Variants in CSNK1G1 observed in about 807,000 individuals in gnomAD.
CSNK1G1 encodes the protein casein kinase I isoform gamma-1.
In CSNK1G1, 22 loss-of-function variants were observed where a neutral mutation model predicts 59.6. That is an observed-to-expected ratio of 0.37 (90% CI 0.26 to 0.53). CSNK1G1 has a LOEUF of 0.53. Among genes scored for constraint, CSNK1G1 ranks in the 20% least tolerant of loss-of-function variants. The pLI is 0.89. For missense variants in CSNK1G1, 384 were observed against 519.5 expected (o/e 0.74, Z 2.54); for synonymous variants, 179 against 177.1 (o/e 1.01, Z -0.08).
At chr15:64,206,356 C>G (rs934445654) in intron 7 of CSNK1G1, among the ~76,000 whole-genome samples, 2 of 152,128 alleles carry the variant, frequency 1.3e-5, no homozygotes, top group Middle Eastern at 3.2e-3. Flanking sequence ...AGGAGAATTG[C>G]TTGAACCCAG....
chr15:64,208,220 G>A (rs2082207360), intron 6 of CSNK1G1, among the ~76,000 whole-genome samples: 1 of 152,140 alleles, frequency 6.6e-6, no homozygotes. Flanking sequence ...AAAATTAGAT[G>A]GGTAAGGCTA....
chr15:64,317,955 G>T (rs79642594), intron 1 of CSNK1G1, among the ~76,000 whole-genome samples: 1 of 152,244 alleles, frequency 6.6e-6, no homozygotes, highest in African/African-American at 2.4e-5. Context: ...AGATGGAAAG[G>T]AAGCTAGGGG....
chr15:64,241,088 T>G (rs937815816), intron 4 of CSNK1G1, among the ~76,000 whole-genome samples: 4 of 152,066 alleles, frequency 2.6e-5, no homozygotes, highest in African/African-American at 7.2e-5. Context: ...GATGAACTGA[T>G]AAAAAACGAT....
At chr15:64,312,184 T>C (rs1330211522) in intron 1 of CSNK1G1, among the ~76,000 whole-genome samples, 2 of 152,164 alleles carry the variant, frequency 1.3e-5, no homozygotes, top group African/African-American at 4.8e-5. Flanking sequence ...CTGCCCAAAG[T>C]AATTTATGGA....
At chr15:64,192,301 C>A (rs1200897396) in intron 10 of CSNK1G1, among the ~76,000 whole-genome samples, 2 of 152,218 alleles carry the variant, frequency 1.3e-5, no homozygotes, top group Admixed American at 6.5e-5. Flanking sequence ...TCCCCCAAAG[C>A]AGGAGCAGGA....
intron 2 of CSNK1G1, chr15:64,265,777 T>G: frequency 2.2e-6 from 1 of 455,050 alleles, no homozygotes. Context: ...AAAAATGAAA[T>G]ATATCCATTG....
At chr15:64,278,968 T>C (rs918892579) in intron 2 of CSNK1G1, among the ~76,000 whole-genome samples, 1 of 152,220 alleles carries the variant, frequency 6.6e-6, no homozygotes, top group Non-Finnish European at 1.5e-5. Context: ...GGCACATAAT[T>C]TTCAGCTTTG....
Position 64,327,323 on chromosome 15 carries a change from A to C in CSNK1G1, c.-224-26600T>G, listed in dbSNP as rs545597960. ...TGGTTCTCCCAGCACGCAGCTGGAG[A>C]TCTGAGAACGGGCAGACTGCCTCCT... On this transcript the variant is annotated intron_variant, in intron 1 of 11. Transcript: ENST00000303052. Among the ~76,000 whole-genome samples the C allele has an allele frequency of 3.6e-4, 54 of 150,162 alleles. No homozygotes were observed. The East Asian group carries it at 0.011, about 30-fold the overall frequency.
chr15:64,176,646 C>T lies in CSNK1G1; in HGVS notation c.1214+3702G>A. On this transcript the variant is annotated intron_variant, in intron 11 of 11. Coordinates refer to ENST00000303052, the MANE Select transcript of CSNK1G1 (RefSeq NM_022048.5). This position sits in a 1 kb window ranked among gnomAD's most constrained non-coding sequence, Gnocchi z 5.2. ...CTGCCTGTAAGAACTCAATCAAGCACCAGGGGTGAACCATTTTGGTTCCCA... is the reference window on the plus strand; with the variant it reads ...CTGCCTGTAAGAACTCAATCAAGCATCAGGGGTGAACCATTTTGGTTCCCA... Among the ~76,000 whole-genome samples, 1 of 152,136 alleles carries T rather than the reference C, an allele frequency of 6.6e-6. No individual in the cohort carries two copies. Among genetic ancestry groups the T allele is most frequent in the Non-Finnish European group, 1.5e-5 (1 of 68,016 alleles).
intron 4 of CSNK1G1, among the ~76,000 whole-genome samples, chr15:64,238,518 A>AAATATAT (rs1555396879): frequency 8.1e-5 from 4 of 49,244 alleles, no homozygotes; most frequent in African/African-American, 2.3e-4. Flanking sequence ...AAAAAAAAAA[A>AAATATAT]ATATATATAT....
chr15:64,177,442 G>A (rs531465907), intron 11 of CSNK1G1, among the ~76,000 whole-genome samples: 2 of 152,288 alleles, frequency 1.3e-5, no homozygotes, highest in Admixed American at 1.3e-4. Flanking sequence ...ACATGGCTGG[G>A]CCCTGACAGT....
At chr15:64,213,863 C>T (rs2082278373) in intron 6 of CSNK1G1, 27 bp downstream of exon 6, 1 of 1,430,288 alleles carries the variant, frequency 7.0e-7, no homozygotes, top group Admixed American at 1.7e-5. Flanking sequence ...ATGACTCGCC[C>T]CTTTCATGGA....
At chr15:64,270,623 G>A (rs1172445811) in intron 2 of CSNK1G1, among the ~76,000 whole-genome samples, 1 of 152,062 alleles carries the variant, frequency 6.6e-6, no homozygotes, top group African/African-American at 2.4e-5. Flanking sequence ...AGCCGGGCGT[G>A]GTGGCAGGCG....
intron 10 of CSNK1G1, among the ~76,000 whole-genome samples, chr15:64,198,810 C>T (rs2082069640): frequency 6.6e-6 from 1 of 151,134 alleles, no homozygotes; most frequent in African/African-American, 2.4e-5. Context: ...GTTGAACAGA[C>T]ACTAGAAATC....
At position 64,325,637 on chromosome 15, in the gene CSNK1G1, T is replaced by C. The variant is rs955206692; in HGVS notation, c.-224-24914A>G. ...ATAACTACCTTTAACTATTATAACT[T>C]TAGGCCTTAAATCACATCTCTAAAT... On this transcript the variant is annotated intron_variant, in intron 1 of 11. Coordinates refer to ENST00000303052, the MANE Select transcript of CSNK1G1 (RefSeq NM_022048.5). Among the ~76,000 whole-genome samples, 5 of 152,218 alleles carry C rather than the reference T, an allele frequency of 3.3e-5. No homozygotes were observed. In the East Asian group the frequency reaches 9.6e-4, roughly 29 times the overall value.
At chr15:64,192,840 TAAAAAAAAAAAAAAAAA>T (rs66643774) in intron 10 of CSNK1G1, among the ~76,000 whole-genome samples, 13 of 32,230 alleles carry the variant, frequency 4.0e-4, no homozygotes, top group South Asian at 2.0e-3. Context: ...GAGATCTGCC[TAAAAAAAAAAAAAAAAA>T]AAAAAAAAAA....
rs1566914370 is a variant in CSNK1G1, at chr15:64,238,521, ATATATATAT to A, written c.292+12982_292+12990del. Among the ~76,000 whole-genome samples the A allele has an allele frequency of 1.3e-3, 158 of 117,430 alleles. 4 individuals are homozygous for A. The highest frequency in any genetic ancestry group is 5.7e-3 in the African/African-American group (150 of 26,194). The allele number at this position is 117,430 out of a possible 152,430, so 77.0% of individuals were successfully genotyped here. ...AAAAAAAAAAAAAAAAAAAAAAAAT[ATATATATAT>A]ATATATATATATATGAAAAAAAACC... On this transcript the variant is annotated intron_variant, in intron 4 of 11. Coordinates refer to ENST00000303052, the MANE Select transcript of CSNK1G1 (RefSeq NM_022048.5).
At chr15:64,304,692 G>C (rs1426425219) in intron 1 of CSNK1G1, among the ~76,000 whole-genome samples, 2 of 152,158 alleles carry the variant, frequency 1.3e-5, no homozygotes, top group Non-Finnish European at 2.9e-5. Context: ...GTATATTTCA[G>C]ATTCTCATAT....
intron 2 of CSNK1G1, among the ~76,000 whole-genome samples, chr15:64,295,340 G>A (rs1011188818): frequency 2.6e-5 from 4 of 152,232 alleles, no homozygotes; most frequent in South Asian, 4.1e-4. Context: ...TGCAGCTTCC[G>A]GCATAAATGG....
Sources: gnomAD v4.1 joint callset for allele counts (sites outside exome capture counted in the v4.1 genomes callset) on GRCh38, gnomAD v4.1.1 for gene constraint, Gnocchi (gnomAD v3.1) non-coding constraint, MANE v1.5 for transcripts, NCBI Gene and HGNC (gene_info 2026-07-23, HGNC 2026-07-21) for gene names.